Variants in PGR observed in about 807,000 individuals in gnomAD.
The protein encoded by PGR is progesterone receptor.
Under a neutral mutation model 76.1 loss-of-function variants are expected in PGR, and 25 were observed. The ratio of observed to expected loss-of-function variants is 0.33; its 90% CI spans 0.24 to 0.46. PGR has a LOEUF of 0.46. PGR is among the 20% of genes least tolerant of loss of function. The probability of loss-of-function intolerance (pLI) is 1.00; values close to 1 mark genes in which losing one functional copy is unlikely to be tolerated. For missense variants in PGR, 1,172 were observed against 1,225.3 expected (o/e 0.96, Z 0.65); for synonymous variants, 579 against 535.0 (o/e 1.08, Z -1.14).
chr11:101,095,816 A>AT (rs1861814460), intron 2 of PGR, among the ~76,000 whole-genome samples: 1 of 152,318 alleles, frequency 6.6e-6, no homozygotes, highest in East Asian at 1.9e-4. Context: ...TAAATCTCAA[A>AT]TATAGTTAGA....
intron 6 of PGR, among the ~76,000 whole-genome samples, chr11:101,043,118 A>T (rs495308): frequency 0.28 from 43,114 of 152,042 alleles, 6,460 homozygotes; most frequent in African/African-American, 0.39. Flanking sequence ...TTTGATGGCA[A>T]TTTACCCACA....
chr11:101,060,057 T>C (rs1000418743), intron 4 of PGR, among the ~76,000 whole-genome samples: 1 of 152,132 alleles, frequency 6.6e-6, no homozygotes, highest in African/African-American at 2.4e-5. Context: ...GTCACCTTTG[T>C]TATGATGGTC....
intron 3 of PGR, among the ~76,000 whole-genome samples, chr11:101,084,950 C>A (rs112199515): frequency 7.0e-4 from 106 of 152,146 alleles, no homozygotes; most frequent in Non-Finnish European, 1.3e-3. Context: ...ACTGGCACAC[C>A]CAGATTCATA....
At chr11:101,056,217 T>A (rs1033383517) in intron 4 of PGR, among the ~76,000 whole-genome samples, 2 of 138,270 alleles carry the variant, frequency 1.4e-5, no homozygotes, top group Admixed American at 8.0e-5. Context: ...TATCACTAAT[T>A]GTGTTTAACA....
chr11:101,105,270 A>T (rs1331992583), intron 2 of PGR, among the ~76,000 whole-genome samples: 1 of 152,162 alleles, frequency 6.6e-6, no homozygotes, highest in Non-Finnish European at 1.5e-5. Flanking sequence ...ATATTTTAAC[A>T]GTATCACAAT....
In PGR at chr11:101,092,990, C is replaced by G. The variant is rs35594563; in HGVS notation, c.1790-1114G>C. Among the ~76,000 whole-genome samples, 921 of 152,080 alleles carry G rather than the reference C, an allele frequency of 6.1e-3. 11 individuals are homozygous for G. The highest frequency in any genetic ancestry group is 0.021 in the African/African-American group (871 of 41,428). On this transcript the variant is annotated intron_variant, in intron 2 of 7. Transcript: ENST00000325455. ...TACCTAAAACATGTACTTAATCAAG[C>G]AGGGGAAAGGATTAGCCTAAACGGC...
rs767987713 is a variant in PGR, at chr11:101,127,591, C to G, written c.1480G>C (p.Gly494Arg). 2.9e-4 allele frequency: 385 copies of G among 1,311,034 alleles called. 1 individual carries two copies. Among genetic ancestry groups the G allele is most frequent in the Non-Finnish European group, 3.5e-4 (363 of 1,038,862 alleles). The allele number at this position is 1,311,034 out of a possible 1,614,324, so 81.2% of individuals were successfully genotyped here. Residue 494 changes from glycine (G) to arginine (R), a missense_variant, in exon 1 of 8, where the codon GGC (glycine) becomes CGC (arginine). Physicochemically the swap from Gly to Arg is moderately radical, Grantham distance 125 (BLOSUM62 -2). Around this residue, in one of 4 missense-constraint regions of PGR, gnomAD observed 893 missense variants for 785.9 expected, o/e 1.14. Transcript: ENST00000325455. ...GASGCLLPRD[G>R]LPSTSASAAA... ...GCAGAGGCGGAGGTGGAGGGCAGGC[C>G]GTCCCGCGGGAGCAGGCAGCCGCTC...
chr11:101,112,383 C>T (rs192903608), intron 2 of PGR, among the ~76,000 whole-genome samples: 1 of 152,082 alleles, frequency 6.6e-6, no homozygotes, highest in African/African-American at 2.4e-5. Context: ...ATTGGTAGAG[C>T]CTGTCCTTGA....
chr11:101,127,972 C>G lies in PGR; in HGVS notation c.1099G>C (p.Ala367Pro), dbSNP rs771577435. ...GGGTACGCGTCGTCCTTGGGCTCGG[C>G]GTCGGGCGGGTACGCGCAGTCGGGG... ...DFPDCAYPPD[A>P]EPKDDAYPLY... Residue 367 changes from alanine (A) to proline (P), a missense_variant, in exon 1 of 8, where the codon GCC (alanine) becomes CCC (proline). Ala to Pro is a conservative substitution (Grantham distance 27). This residue lies in a region of PGR where 893 missense variants were observed against 785.9 expected (regional missense o/e 1.14). Transcript: ENST00000325455. The G allele has an allele frequency of 3.7e-6, 6 of 1,612,018 alleles. No homozygotes were observed. The South Asian group carries it at 6.6e-5, about 18-fold the overall frequency.
At chr11:101,051,244 T>C (rs977512863) in intron 5 of PGR, among the ~76,000 whole-genome samples, 180 bp downstream of exon 5, 11 of 152,170 alleles carry the variant, frequency 7.2e-5, no homozygotes, top group Non-Finnish European at 1.5e-4. Context: ...GAAAATTGGA[T>C]TTGATATAAC....
intron 2 of PGR, among the ~76,000 whole-genome samples, chr11:101,097,591 T>C (rs374467098): frequency 6.6e-5 from 10 of 152,334 alleles, no homozygotes; most frequent in African/African-American, 2.2e-4. Context: ...AATATAGTTA[T>C]ACTCAACAGT....
intron 4 of PGR, among the ~76,000 whole-genome samples, chr11:101,058,457 G>A (rs558090262): frequency 2.0e-5 from 3 of 152,184 alleles, no homozygotes; most frequent in South Asian, 2.1e-4. Flanking sequence ...GTTTTGGCAC[G>A]CTTCAAAAGC....
chr11:101,106,937 C>T (rs1862181368), intron 2 of PGR, among the ~76,000 whole-genome samples: 1 of 152,074 alleles, frequency 6.6e-6, no homozygotes, highest in Non-Finnish European at 1.5e-5. Context: ...AAGCTGGAAA[C>T]CATCATCAGC....
intron 6 of PGR, among the ~76,000 whole-genome samples, chr11:101,044,368 C>G (rs1859791892): frequency 6.6e-6 from 1 of 152,114 alleles, no homozygotes; most frequent in African/African-American, 2.4e-5. Context: ...AGAATCAGGG[C>G]CTTCCTCTGG....
chr11:101,097,253 A>G (rs545299962), intron 2 of PGR, among the ~76,000 whole-genome samples: 2 of 152,246 alleles, frequency 1.3e-5, no homozygotes, highest in Admixed American at 6.5e-5. Context: ...ATTACCCCCA[A>G]ACTCTCTCAT....
chr11:101,091,929 A>T (rs1208963145), intron 2 of PGR, 53 bp from the exon 3 acceptor site: 8 of 918,642 alleles, frequency 8.7e-6, no homozygotes, highest in Non-Finnish European at 1.3e-5. Context: ...ATTCACTGGA[A>T]ATTCTATGCA....
At chr11:101,055,777 T>C (rs1212833828) in intron 4 of PGR, among the ~76,000 whole-genome samples, 2 of 152,206 alleles carry the variant, frequency 1.3e-5, no homozygotes, top group Non-Finnish European at 2.9e-5. Context: ...AGTTTTTGTT[T>C]TCGTCTTTTT....
intron 3 of PGR, among the ~76,000 whole-genome samples, chr11:101,088,184 T>C (rs1861556896): frequency 6.6e-6 from 1 of 151,880 alleles, no homozygotes; most frequent in Non-Finnish European, 1.5e-5. Flanking sequence ...GGTGACAGAG[T>C]GAGACTCTGT....
chr11:101,064,839 A>G (rs1860657099), intron 3 of PGR, among the ~76,000 whole-genome samples: 2 of 152,168 alleles, frequency 1.3e-5, no homozygotes, highest in South Asian at 4.1e-4. Context: ...CAGTGTTTTC[A>G]TAAGATAGTA....
Sources: allele counts gnomAD v4.1 joint callset (sites outside exome capture counted in the v4.1 genomes callset), GRCh38; gene constraint gnomAD v4.1.1; regional missense constraint gnomAD v4.1.1; transcripts MANE v1.5; gene names NCBI Gene and HGNC (gene_info 2026-07-23, HGNC 2026-07-21).